The following ARHGEF12 variants were observed in gnomAD, a reference collection of about 807,000 sequenced individuals.
The protein encoded by ARHGEF12 is KMT2A/ARHGEF12 fusion protein.
ARHGEF12 carries 66 observed loss-of-function variants against 211.2 expected under a neutral mutation model. The ratio of observed to expected loss-of-function variants is 0.31; its 90% CI spans 0.26 to 0.38. ARHGEF12 has a LOEUF of 0.38. ARHGEF12 is among the 10% of genes least tolerant of loss of function. The probability of loss-of-function intolerance (pLI) is 1.00; values close to 1 mark genes in which losing one functional copy is unlikely to be tolerated. For synonymous variants in ARHGEF12, 592 were observed against 638.4 expected, an observed-to-expected ratio of 0.93 and a Z score of 1.09; for missense variants, 1,429 against 1,869.5, an observed-to-expected ratio of 0.76 and a Z score of 4.34.
chr11:120,393,447 A>T (rs1269875795), intron 1 of ARHGEF12, among the ~76,000 whole-genome samples: 1 of 152,190 alleles, frequency 6.6e-6, no homozygotes, highest in Non-Finnish European at 1.5e-5. Flanking sequence ...CCTTAAAATT[A>T]AAAATACACA....
chr11:120,371,214 T>C (rs10892566), intron 1 of ARHGEF12, among the ~76,000 whole-genome samples: 65,686 of 152,092 alleles, frequency 0.43, 14,594 homozygotes, highest in African/African-American at 0.53. Flanking sequence ...TAGGGCTGGG[T>C]GCGGTGGCTC....
chr11:120,364,816 A>ATTTT lies in ARHGEF12; in HGVS notation c.32+27558_32+27561dup, dbSNP rs59126463. ...AAAAAGACTTCTAGGACATGTACCA[A>ATTTT]TTTTTTTTTTTTTTTTTTTTGAGCC... On this transcript the variant is annotated intron_variant, in intron 1 of 40. Coordinates refer to ENST00000397843, the MANE Select transcript of ARHGEF12 (RefSeq NM_015313.3). 3.9e-4 allele frequency among the ~76,000 whole-genome samples: 51 copies of ATTTT among 132,446 alleles called. 1 individual carries two copies. The highest frequency in any genetic ancestry group is 1.1e-3 in the African/African-American group (38 of 35,128). 86.9% of individuals were successfully genotyped at this position (132,446 alleles called of 152,430 possible).
chr11:120,386,549 A>T (rs1220150743), intron 1 of ARHGEF12, among the ~76,000 whole-genome samples: 7 of 152,148 alleles, frequency 4.6e-5, no homozygotes, highest in Non-Finnish European at 8.8e-5. Context: ...ACAAATTAAC[A>T]AATTCTTACT....
chr11:120,428,340 TAATTA>T, intron 8 of ARHGEF12, 93 bp downstream of exon 8: 3 of 1,053,242 alleles, frequency 2.8e-6, no homozygotes, highest in Non-Finnish European at 2.5e-6. Flanking sequence ...GCTGATGAAC[TAATTA>T]AATTTAAGAT....
intron 1 of ARHGEF12, among the ~76,000 whole-genome samples, chr11:120,373,037 G>C (rs1201786884): frequency 1.3e-5 from 2 of 152,108 alleles, no homozygotes; most frequent in East Asian, 3.9e-4. Flanking sequence ...TTTCTTAGAA[G>C]TAATTTTTTC....
chr11:120,368,370 A>AG (rs1301638848), intron 1 of ARHGEF12, among the ~76,000 whole-genome samples: 1 of 152,118 alleles, frequency 6.6e-6, no homozygotes, highest in African/African-American at 2.4e-5. Flanking sequence ...CTCAAACTCC[A>AG]GGCCTCAAGA....
intron 11 of ARHGEF12, among the ~76,000 whole-genome samples, chr11:120,432,816 A>G (rs1234827958): frequency 6.6e-6 from 1 of 152,194 alleles, no homozygotes; most frequent in Non-Finnish European, 1.5e-5. Flanking sequence ...TTAAAAAGGA[A>G]GCCGTGGTCT....
intron 16 of ARHGEF12, 144 bp from the exon 17 acceptor site, chr11:120,446,259 C>G (rs918132609): frequency 6.3e-5 from 18 of 286,140 alleles, no homozygotes; most frequent in Non-Finnish European, 8.8e-5. Context: ...AATCAGAATT[C>G]TGGGATGAAA....
intron 26 of ARHGEF12, among the ~76,000 whole-genome samples, chr11:120,459,620 A>G (rs796327263): frequency 1.7e-4 from 26 of 152,254 alleles, no homozygotes; most frequent in African/African-American, 6.0e-4. Context: ...CTCTTTAAAT[A>G]TATATATCCA....
rs925693539 is a variant in ARHGEF12, at chr11:120,428,256, G to A, written c.585+9G>A. 1.9e-6 allele frequency: 3 copies of A among 1,550,950 alleles called. No homozygotes were observed. The highest frequency in any genetic ancestry group is 3.7e-5 in the Admixed American group (2 of 53,744). ...GTCCTGTGCTCATGGGGGTAAGAAT[G>A]GGGAAATTTCTTAGTTAAATGCTCA... On this transcript the variant is annotated intron_variant, in intron 8 of 40. Coordinates refer to ENST00000397843, the MANE Select transcript of ARHGEF12 (RefSeq NM_015313.3).
chr11:120,426,531 A>G (rs1036521543), intron 7 of ARHGEF12, among the ~76,000 whole-genome samples: 1 of 152,236 alleles, frequency 6.6e-6, no homozygotes, highest in Non-Finnish European at 1.5e-5. Flanking sequence ...CAGTTTAGAA[A>G]CAGCTAAAGA....
chr11:120,354,842 CGAA>C (rs1943086883), intron 1 of ARHGEF12, among the ~76,000 whole-genome samples: 1 of 152,168 alleles, frequency 6.6e-6, no homozygotes, highest in Admixed American at 6.5e-5. Context: ...CAGTGCTCTT[CGAA>C]GGAGTCGTAT....
chr11:120,337,475 G>T, intron 1 of ARHGEF12, 200 bp downstream of exon 1: 1 of 985,390 alleles, frequency 1.0e-6, no homozygotes, highest in African/African-American at 1.7e-5. Flanking sequence ...TTTCCGGAGA[G>T]AAACTTCCCT....
At chr11:120,434,211 G>C (rs1945630143) in intron 11 of ARHGEF12, among the ~76,000 whole-genome samples, 1 of 152,156 alleles carries the variant, frequency 6.6e-6, no homozygotes. Flanking sequence ...AATGTGTGCT[G>C]AATGGATAAT....
chr11:120,338,016 C>A, intron 1 of ARHGEF12: 1 of 622,252 alleles, frequency 1.6e-6, no homozygotes, highest in Non-Finnish European at 2.0e-6. Flanking sequence ...ATAGCACCTA[C>A]CAGTGTTGCA....
At chr11:120,448,383 C>G (rs376087908) in intron 20 of ARHGEF12, 35 bp downstream of exon 20, 307 of 1,516,730 alleles carry the variant, frequency 2.0e-4, no homozygotes, top group Non-Finnish European at 2.6e-4. Context: ...ATGTTCAGGC[C>G]TTAGGGCTTC....
intron 19 of ARHGEF12, 44 bp from the exon 20 acceptor site, chr11:120,448,190 T>A: frequency 7.2e-7 from 1 of 1,391,612 alleles, no homozygotes; most frequent in African/African-American, 1.4e-5. Flanking sequence ...CTACCAACCC[T>A]CCCTTCTCAG....
intron 4 of ARHGEF12, chr11:120,411,699 C>T (rs1363739255): frequency 6.8e-6 from 1 of 147,696 alleles, no homozygotes; most frequent in Non-Finnish European, 1.5e-5. Flanking sequence ...AAGTGATCCT[C>T]CTACCTAAGA....
intron 1 of ARHGEF12, among the ~76,000 whole-genome samples, chr11:120,358,332 A>T (rs999651303): frequency 6.6e-6 from 1 of 152,158 alleles, no homozygotes; most frequent in African/African-American, 2.4e-5. Flanking sequence ...GTGTGTGGTC[A>T]AAGTGTGGGG....
Sources: gnomAD v4.1 joint callset for allele counts (sites outside exome capture counted in the v4.1 genomes callset) on GRCh38, gnomAD v4.1.1 for gene constraint, MANE v1.5 for transcripts, NCBI Gene and HGNC (gene_info 2026-07-23, HGNC 2026-07-21) for gene names.